Variants in RALYL observed in about 807,000 individuals in gnomAD.
RALYL encodes the protein RNA-binding Raly-like protein.
RALYL carries 29 observed loss-of-function variants against 35.1 expected under a neutral mutation model. The observed-to-expected ratio is 0.83, with a 90% CI of 0.61 to 1.13. The LOEUF is 1.13. Among genes scored for constraint, RALYL ranks in the 50% most tolerant of loss-of-function variants. The pLI, the probability that RALYL is intolerant of heterozygous loss-of-function variation, is 0.00. For synonymous variants in RALYL, 120 were observed against 127.6 expected (o/e 0.94, Z 0.40); for missense variants, 359 against 360.4 (o/e 1.00, Z 0.03).
At chr8:84,188,907 C>T (rs990225806) in intron 1 of RALYL, among the ~76,000 whole-genome samples, 15 of 152,092 alleles carry the variant, frequency 9.9e-5, no homozygotes, top group African/African-American at 2.4e-4. Context: ...TTCTTCCTTA[C>T]GTTTAAAAAG....
chr8:84,492,828 T>C (rs1476238754), intron 1 of RALYL, among the ~76,000 whole-genome samples: 1 of 152,110 alleles, frequency 6.6e-6, no homozygotes, highest in East Asian at 1.9e-4. Context: ...TTTAATAAAT[T>C]TTACATTTTC....
At chr8:84,336,605 T>C (rs2130806749) in intron 1 of RALYL, among the ~76,000 whole-genome samples, 1 of 152,274 alleles carries the variant, frequency 6.6e-6, no homozygotes, top group East Asian at 1.9e-4. Flanking sequence ...TTATAGTGGT[T>C]GGGGAATCAT....
chr8:84,819,960 A>C (rs765711592), intron 4 of RALYL, among the ~76,000 whole-genome samples: 2 of 152,144 alleles, frequency 1.3e-5, no homozygotes, highest in Non-Finnish European at 2.9e-5. Context: ...TGGTATCATC[A>C]TATATCATAG....
At chr8:84,226,943 C>CTAGA (rs1320003768) in intron 1 of RALYL, among the ~76,000 whole-genome samples, 3 of 151,168 alleles carry the variant, frequency 2.0e-5, no homozygotes, top group Non-Finnish European at 4.4e-5. Flanking sequence ...ATGGAGTGGA[C>CTAGA]TAGAGTACCT....
At chr8:84,460,005 A>G (rs1483348344) in intron 1 of RALYL, among the ~76,000 whole-genome samples, 1 of 151,780 alleles carries the variant, frequency 6.6e-6, no homozygotes, top group Admixed American at 6.6e-5. Flanking sequence ...AAACAGGAAC[A>G]AGGTTTAAAG....
intron 1 of RALYL, among the ~76,000 whole-genome samples, chr8:84,316,204 C>A (rs1326730913): frequency 6.6e-6 from 1 of 152,098 alleles, no homozygotes; most frequent in African/African-American, 2.4e-5. Context: ...TACTCTTTAG[C>A]ATCTCTACCC....
At chr8:84,351,757 C>T (rs1379394278) in intron 1 of RALYL, among the ~76,000 whole-genome samples, 1 of 150,206 alleles carries the variant, frequency 6.7e-6, no homozygotes, top group African/African-American at 2.5e-5. Context: ...TGTTCCATAA[C>T]TTTATTAAAA....
intron 1 of RALYL, among the ~76,000 whole-genome samples, chr8:84,185,625 T>C (rs1259183773): frequency 6.6e-6 from 1 of 152,226 alleles, no homozygotes; most frequent in Non-Finnish European, 1.5e-5. Flanking sequence ...ACTTTGATTT[T>C]GAAGCTTTGA....
chr8:84,226,102 GCCTTAGCTCCATCT>G (rs1306602272), intron 1 of RALYL, among the ~76,000 whole-genome samples: 1 of 152,136 alleles, frequency 6.6e-6, no homozygotes, highest in Non-Finnish European at 1.5e-5. Context: ...GAACTTTACT[GCCTTAGCTCCATCT>G]CCTGTCAGAT....
chr8:84,510,702 C>G (rs1240805268), intron 1 of RALYL, among the ~76,000 whole-genome samples: 4 of 151,940 alleles, frequency 2.6e-5, no homozygotes, highest in South Asian at 2.1e-4. Context: ...CCCAGGTACT[C>G]TGGAGGCTGA....
At chr8:84,255,385 T>G (rs1330825571) in intron 1 of RALYL, among the ~76,000 whole-genome samples, 3 of 152,140 alleles carry the variant, frequency 2.0e-5, no homozygotes, top group Admixed American at 6.6e-5. Flanking sequence ...AAGATAATAT[T>G]AAAAGATATA....
intron 1 of RALYL, among the ~76,000 whole-genome samples, chr8:84,387,206 T>C (rs984205181): frequency 5.3e-5 from 8 of 151,898 alleles, no homozygotes; most frequent in Non-Finnish European, 1.0e-4. Context: ...AAAATCATTT[T>C]CTGTGTGCCA....
chr8:84,342,759 G>C (rs965978138), intron 1 of RALYL, among the ~76,000 whole-genome samples: 1 of 151,972 alleles, frequency 6.6e-6, no homozygotes, highest in Non-Finnish European at 1.5e-5. Flanking sequence ...TTCCTTTGGT[G>C]TATGAACATA....
intron 1 of RALYL, among the ~76,000 whole-genome samples, chr8:84,392,474 G>T (rs1159304939): frequency 2.0e-5 from 3 of 151,942 alleles, no homozygotes; most frequent in African/African-American, 7.2e-5. Flanking sequence ...GCTTTATGTG[G>T]ACTGATAGAT....
At chr8:84,558,996 T>C (rs2061314213) in intron 2 of RALYL, among the ~76,000 whole-genome samples, 2 of 152,132 alleles carry the variant, frequency 1.3e-5, no homozygotes, top group Admixed American at 1.3e-4. Flanking sequence ...TTCATCACAT[T>C]TTCATGTCAT....
At chr8:84,206,927 T>C (rs1223779238) in intron 1 of RALYL, among the ~76,000 whole-genome samples, 1 of 152,226 alleles carries the variant, frequency 6.6e-6, no homozygotes, top group East Asian at 1.9e-4. Context: ...AAATGCTCAA[T>C]GTTACATAAT....
intron 1 of RALYL, among the ~76,000 whole-genome samples, chr8:84,217,575 T>C (rs1821131690): frequency 6.6e-6 from 1 of 152,026 alleles, no homozygotes; most frequent in African/African-American, 2.4e-5. Context: ...AAAATAATTA[T>C]GAATTAAAGT....
intron 1 of RALYL, among the ~76,000 whole-genome samples, chr8:84,272,313 C>T (rs941125984): frequency 1.3e-5 from 2 of 151,936 alleles, no homozygotes; most frequent in South Asian, 2.1e-4. Flanking sequence ...AGGCTGGTCT[C>T]GAACTCCTGA....
chr8:84,466,793 G>A (rs1231225124), intron 1 of RALYL, among the ~76,000 whole-genome samples: 18 of 151,742 alleles, frequency 1.2e-4, no homozygotes, highest in Admixed American at 2.6e-4. Context: ...TGGTTGGTAA[G>A]CTATTGATTA....
Sources: gnomAD v4.1 joint callset for allele counts (sites outside exome capture counted in the v4.1 genomes callset) on GRCh38, gnomAD v4.1.1 for gene constraint, MANE v1.5 for transcripts, NCBI Gene and HGNC (gene_info 2026-07-23, HGNC 2026-07-21) for gene names.